CCDC150: variants seen among roughly 807,000 people sequenced by gnomAD.
The protein encoded by CCDC150 is coiled-coil domain containing 150.
CCDC150 carries 151 observed loss-of-function variants against 156.5 expected under a neutral mutation model. The observed-to-expected ratio is 0.97, with a 90% CI of 0.85 to 1.10. The LOEUF is 1.10. Among genes scored for constraint, CCDC150 ranks in the 50% least tolerant of loss-of-function variants. The pLI is 0.00. For synonymous variants in CCDC150, 452 were observed against 429.4 expected, an observed-to-expected ratio of 1.05 and a Z score of -0.65; for missense variants, 1,312 against 1,268.1, an observed-to-expected ratio of 1.03 and a Z score of -0.53.
At position 196,676,649 on chromosome 2, in the gene CCDC150, T is replaced by C. The variant is rs891557869; in HGVS notation, c.1358T>C (p.Ile453Thr). The change falls in exon 12 of 28, where the codon ATT (isoleucine) becomes ACT (threonine). Residue 453 changes from isoleucine (I) to threonine (T), a missense_variant. Ile to Thr is a moderately conservative substitution (Grantham distance 89). Transcript: ENST00000389175. ...AVQKELLEST[I>T]ARLRGELEAS... ...CAAAAAGAGCTGCTAGAATCAACTA[T>C]TGCAAGATTGCGAGGTGAATTGGAA... is the stretch of plus-strand genomic sequence containing the variant. The C allele has an allele frequency of 2.5e-6, 4 of 1,613,800 alleles. No homozygotes were observed. The highest frequency in any genetic ancestry group is 1.6e-4 in the Middle Eastern group (1 of 6,062).
In CCDC150 at chr2:196,712,126, ATTT is replaced by A. The variant is rs1010569812; in HGVS notation, c.1696-16_1696-14del. The A allele has an allele frequency of 8.0e-7, 1 of 1,250,866 alleles. No individual in the cohort carries two copies. Among genetic ancestry groups the A allele is most frequent in the African/African-American group, 1.7e-5 (1 of 60,034 alleles). 77.5% of individuals were successfully genotyped at this position (1,250,866 alleles called of 1,614,324 possible). ...TTTTATTTTTTAAAATTTTTTTTGT[ATTT>A]TTGTTTTTCCTCTAGATAAAAGTTA... On this transcript the variant is annotated splice_polypyrimidine_tract_variant and intron_variant, in intron 15 of 27. Transcript: ENST00000389175.
chr2:196,643,270 C>T (rs915997510), intron 1 of CCDC150, among the ~76,000 whole-genome samples: 8 of 152,310 alleles, frequency 5.3e-5, no homozygotes, highest in Admixed American at 2.6e-4. Context: ...AAACCTCCTT[C>T]CCCTCAGAGG....
chr2:196,674,466 A>C lies in CCDC150; in HGVS notation c.1137+118A>C, dbSNP rs537176151. ...CAATAAATTTCAAAAAATCTACTGAATTATCTTAATTCTATTAGTGCTTTT... is the reference window on the plus strand; with the variant it reads ...CAATAAATTTCAAAAAATCTACTGACTTATCTTAATTCTATTAGTGCTTTT... On this transcript the variant is annotated intron_variant, in intron 10 of 27. Coordinates refer to ENST00000389175, the MANE Select transcript of CCDC150 (RefSeq NM_001080539.2). 1.1e-5 allele frequency: 7 copies of C among 642,852 alleles called. No individual in the cohort carries two copies. In the African/African-American group the frequency reaches 1.3e-4, roughly 12 times the overall value. 39.8% of individuals were successfully genotyped at this position (642,852 alleles called of 1,614,324 possible). A position where few individuals can be genotyped will look rare whatever the true frequency, so the allele number is the denominator to read the frequency against.
chr2:196,699,047 A>G (rs1194351744), intron 14 of CCDC150, among the ~76,000 whole-genome samples: 2 of 152,252 alleles, frequency 1.3e-5, no homozygotes, highest in African/African-American at 4.8e-5. Flanking sequence ...CAAAACAGAT[A>G]ACATTTTGGC....
chr2:196,672,329 A>C lies in CCDC150; in HGVS notation c.937-16A>C. 1 of 1,402,634 alleles carries C rather than the reference A, an allele frequency of 7.1e-7. No individual in the cohort carries two copies. The highest frequency in any genetic ancestry group is 9.5e-7 in the Non-Finnish European group (1 of 1,048,002). 86.9% of individuals were successfully genotyped at this position (1,402,634 alleles called of 1,614,324 possible). A position where few individuals can be genotyped will look rare whatever the true frequency, so the allele number is the denominator to read the frequency against. On this transcript the variant is annotated splice_polypyrimidine_tract_variant and intron_variant, in intron 8 of 27. Transcript: ENST00000389175. ...TCTCTTATATGTGAAAAAGAGAGTA[A>C]TTTTTTTTCTTATAGAACCTGCAGA...
At chr2:196,711,665 C>A (rs1000427859) in intron 15 of CCDC150, among the ~76,000 whole-genome samples, 4 of 152,082 alleles carry the variant, frequency 2.6e-5, no homozygotes, top group Admixed American at 6.5e-5. Context: ...ATTTATTCAA[C>A]TTTTATAATA....
chr2:196,644,071 G>A (rs1392204076), intron 1 of CCDC150, among the ~76,000 whole-genome samples: 3 of 152,102 alleles, frequency 2.0e-5, no homozygotes, highest in African/African-American at 7.2e-5. Flanking sequence ...TTGTAAGGGG[G>A]TAGGAAAAGA....
intron 4 of CCDC150, among the ~76,000 whole-genome samples, chr2:196,657,913 C>T (rs563646544): frequency 1.8e-4 from 27 of 152,178 alleles, no homozygotes; most frequent in Non-Finnish European, 3.5e-4. Flanking sequence ...TCTTTCTACT[C>T]GGTACAGCTA....
Position 196,720,669 on chromosome 2 carries a change from G to A in CCDC150, c.2259+1G>A. The A allele has an allele frequency of 6.2e-7, 1 of 1,612,008 alleles. No individual in the cohort carries two copies. Among genetic ancestry groups the A allele is most frequent in the Non-Finnish European group, 8.5e-7 (1 of 1,178,938 alleles). On this transcript the variant is annotated splice_donor_variant, in intron 20 of 27. Coordinates refer to ENST00000389175, the MANE Select transcript of CCDC150 (RefSeq NM_001080539.2). LOFTEE classifies it high-confidence loss of function. ...CATGGAGGACCAGCACAACAGTGAG[G>A]TTGGAGCCAGGCTTTAAAAAATGAT...
At chr2:196,658,385 A>T (rs1008914720) in intron 4 of CCDC150, among the ~76,000 whole-genome samples, 4 of 152,174 alleles carry the variant, frequency 2.6e-5, no homozygotes, top group African/African-American at 7.2e-5. Context: ...ATAAGTAGGG[A>T]AAGCTGTGTT....
intron 14 of CCDC150, among the ~76,000 whole-genome samples, chr2:196,697,467 T>C (rs1488377257): frequency 6.6e-6 from 1 of 152,146 alleles, no homozygotes; most frequent in Non-Finnish European, 1.5e-5. Flanking sequence ...CACTTCTCTT[T>C]TGGGGTTTAA....
chr2:196,670,356 A>T (rs540596155), intron 8 of CCDC150, among the ~76,000 whole-genome samples: 2 of 152,160 alleles, frequency 1.3e-5, no homozygotes, highest in African/African-American at 4.8e-5. Context: ...CTTCTTTTGG[A>T]TGCTATCTCA....
At chr2:196,650,067 T>C (rs1027961226) in intron 2 of CCDC150, among the ~76,000 whole-genome samples, 5 of 152,224 alleles carry the variant, frequency 3.3e-5, no homozygotes, top group Non-Finnish European at 5.9e-5. Context: ...GGCATCCTTA[T>C]TTCAGTCCTG....
At chr2:196,655,359 A>C (rs1693124595) in intron 2 of CCDC150, among the ~76,000 whole-genome samples, 1 of 152,172 alleles carries the variant, frequency 6.6e-6, no homozygotes, top group Non-Finnish European at 1.5e-5. Flanking sequence ...GGTAGTCCTT[A>C]TATGAGAGCT....
At chr2:196,645,993 T>C (rs1692509688) in intron 1 of CCDC150, among the ~76,000 whole-genome samples, 2 of 152,280 alleles carry the variant, frequency 1.3e-5, no homozygotes, top group Admixed American at 6.5e-5. Flanking sequence ...TACTCAACAA[T>C]CTTAATGGCT....
chr2:196,644,025 G>C (rs1312565504), intron 1 of CCDC150, among the ~76,000 whole-genome samples: 2 of 152,168 alleles, frequency 1.3e-5, no homozygotes, highest in Non-Finnish European at 2.9e-5. Flanking sequence ...TTGAGAGTGA[G>C]CTGCTGCATA....
At chr2:196,712,578 A>G in intron 16 of CCDC150, 99 bp from the exon 17 acceptor site, 1 of 757,454 alleles carries the variant, frequency 1.3e-6, no homozygotes, top group Non-Finnish European at 2.3e-6. Context: ...AGGGAGCATT[A>G]TTATGAGTAG....
chr2:196,731,371 G>T (rs1323482258), intron 26 of CCDC150, among the ~76,000 whole-genome samples: 1 of 144,364 alleles, frequency 6.9e-6, no homozygotes, highest in Non-Finnish European at 1.5e-5. Flanking sequence ...TTAGCCTTTT[G>T]GGGGGTATTT....
chr2:196,675,948 A>T (rs888255394), intron 10 of CCDC150, among the ~76,000 whole-genome samples, 195 bp from the exon 11 acceptor site: 1 of 152,188 alleles, frequency 6.6e-6, no homozygotes, highest in Non-Finnish European at 1.5e-5. Flanking sequence ...CTATAAAATG[A>T]TAGAACTAGT....
Sources: allele counts gnomAD v4.1 joint callset (sites outside exome capture counted in the v4.1 genomes callset), GRCh38; gene constraint gnomAD v4.1.1; transcripts MANE v1.5; gene names NCBI Gene and HGNC (gene_info 2026-07-23, HGNC 2026-07-21).